CD82: variants seen among roughly 807,000 people sequenced by gnomAD.
The protein encoded by CD82 is CD82 molecule.
In CD82, 36 loss-of-function variants were observed where a neutral mutation model predicts 37.4. The ratio of observed to expected loss-of-function variants is 0.96; its 90% confidence interval spans 0.74 to 1.27. The LOEUF (loss-of-function observed/expected upper bound fraction) is 1.27. Among genes scored for constraint, CD82 ranks in the 50% most tolerant of loss-of-function variants. CD82 has a pLI of 0.00. For missense variants in CD82, 340 were observed against 347.0 expected (o/e 0.98, Z 0.16); for synonymous variants, 158 against 137.4 (o/e 1.15, Z -1.05).
chr11:44,580,946 T>G (rs1852970820), intron 1 of CD82, among the ~76,000 whole-genome samples: 1 of 152,080 alleles, frequency 6.6e-6, no homozygotes, highest in Non-Finnish European at 1.5e-5. Context: ...TGACAAAAGG[T>G]TTGCCTGTTG....
At chr11:44,570,978 T>C (rs1469720336) in intron 1 of CD82, among the ~76,000 whole-genome samples, 2 of 152,140 alleles carry the variant, frequency 1.3e-5, no homozygotes, top group Admixed American at 6.5e-5. Flanking sequence ...CACTCTCCCC[T>C]CTGACCTCCT....
chr11:44,571,462 A>C (rs1166770964), intron 1 of CD82, among the ~76,000 whole-genome samples: 1 of 152,206 alleles, frequency 6.6e-6, no homozygotes, highest in African/African-American at 2.4e-5. Flanking sequence ...TACTCATCTC[A>C]TAGGGTTGTT....
chr11:44,588,384 C>G (rs1853091596), intron 2 of CD82, among the ~76,000 whole-genome samples: 1 of 152,002 alleles, frequency 6.6e-6, no homozygotes, highest in African/African-American at 2.4e-5. Flanking sequence ...CCACCATGCC[C>G]AGCTAAGTTT....
In CD82 at chr11:44,597,562, C is replaced by G. The variant is rs1367485336; in HGVS notation, c.64-2596C>G. On this transcript the variant is annotated intron_variant, in intron 3 of 9. Transcript: ENST00000227155. This position sits in a 1 kb window ranked among gnomAD's most constrained non-coding sequence, Gnocchi z 4.1. ...TACAGAGGGACTGAATGGGTAGCCC[C>G]GGGGACTTTGCTCTCTGGGTTCCTC... Among the ~76,000 whole-genome samples the G allele has an allele frequency of 6.6e-6, 1 of 152,232 alleles. No individual in the cohort carries two copies. Among genetic ancestry groups the G allele is most frequent in the Non-Finnish European group, 1.5e-5 (1 of 68,040 alleles).
rs1853245400 is a variant in CD82, at chr11:44,597,433, G to A, written c.63+2708G>A. ...TCACAGAGAAAAAGGGGGTGCCATG[G>A]TGCCTTGCCCATTCTGGTAGGCTGC... is the stretch of plus-strand genomic sequence containing the variant. On this transcript the variant is annotated intron_variant, in intron 3 of 9. Transcript: ENST00000227155. The surrounding 1 kb of genome is among the most constrained non-coding windows in gnomAD (Gnocchi z 4.1). Among the ~76,000 whole-genome samples, 1 of 152,256 alleles carries A rather than the reference G, an allele frequency of 6.6e-6. No homozygotes were observed. The highest frequency in any genetic ancestry group is 1.5e-5 in the Non-Finnish European group (1 of 68,042).
At position 44,590,123 on chromosome 11, in the gene CD82, G is replaced by A. The variant is rs182826253; in HGVS notation, c.-21+2567G>A. On this transcript the variant is annotated intron_variant, in intron 2 of 9. Transcript: ENST00000227155. Reference sequence around the variant, plus strand: ...GCTGGGATTACAGGTGTGAGCCACCGCGCCTGGCGACCCTTGCTGCCTCTT... The same window carrying A: ...GCTGGGATTACAGGTGTGAGCCACCACGCCTGGCGACCCTTGCTGCCTCTT... 1.5e-3 allele frequency among the ~76,000 whole-genome samples: 233 copies of A among 151,864 alleles called. 1 individual carries two copies. The highest frequency in any genetic ancestry group is 5.3e-3 in the African/African-American group (221 of 41,424).
chr11:44,596,002 G>T, intron 3 of CD82, among the ~76,000 whole-genome samples: 1 of 149,008 alleles, frequency 6.7e-6, no homozygotes, highest in East Asian at 2.0e-4. Flanking sequence ...CCTGGCACCC[G>T]CACACAAGTG....
intron 4 of CD82, among the ~76,000 whole-genome samples, chr11:44,603,157 G>C (rs1590343611): frequency 6.6e-6 from 1 of 152,176 alleles, no homozygotes; most frequent in African/African-American, 2.4e-5. Context: ...TGCCCACGCT[G>C]ATGGCTGGGG....
chr11:44,567,402 G>C (rs1231490601), intron 1 of CD82, among the ~76,000 whole-genome samples: 9 of 151,930 alleles, frequency 5.9e-5, no homozygotes, highest in Non-Finnish European at 1.2e-4. Context: ...TGTAGGGCAG[G>C]GGGAGGTGTT....
rs140087206 is a variant in CD82 at position 44,602,630 on chromosome 11, C to T, written c.136+2400C>T. On this transcript the variant is annotated intron_variant, in intron 4 of 9. Coordinates refer to ENST00000227155, the MANE Select transcript of CD82 (RefSeq NM_002231.4). ...ATCCCTCATCCCTTTCTGTTTGGGCCGCTTCCTTTGGTCCCTTCTAGGCCC... is the reference window on the plus strand; with the variant it reads ...ATCCCTCATCCCTTTCTGTTTGGGCTGCTTCCTTTGGTCCCTTCTAGGCCC... Among the ~76,000 whole-genome samples the T allele has an allele frequency of 4.4e-3, 675 of 152,128 alleles. 6 individuals carry two copies. The highest frequency in any genetic ancestry group is 0.016 in the African/African-American group (656 of 41,490).
chr11:44,611,670 C>G (rs1006009840), intron 6 of CD82, among the ~76,000 whole-genome samples: 1 of 152,214 alleles, frequency 6.6e-6, no homozygotes, highest in Non-Finnish European at 1.5e-5. Context: ...TGCTACCTCC[C>G]TGTCCTTTTT....
At chr11:44,614,106 G>A (rs1284578807) in intron 6 of CD82, among the ~76,000 whole-genome samples, 1 of 152,136 alleles carries the variant, frequency 6.6e-6, no homozygotes, top group African/African-American at 2.4e-5. Context: ...TCCATCTCCT[G>A]GGTTCAAGCA....
At chr11:44,569,491 C>T (rs562229306) in intron 1 of CD82, among the ~76,000 whole-genome samples, 1 of 152,220 alleles carries the variant, frequency 6.6e-6, no homozygotes, top group South Asian at 2.1e-4. Context: ...TAGATAAGTT[C>T]CTTCTCTCTG....
chr11:44,600,251 C>G, intron 4 of CD82, 21 bp downstream of exon 4: 1 of 1,612,498 alleles, frequency 6.2e-7, no homozygotes, highest in South Asian at 1.1e-5. Flanking sequence ...CTCAGCTTCC[C>G]CAGACCCAGG....
chr11:44,579,183 G>A (rs35056404), intron 1 of CD82, among the ~76,000 whole-genome samples: 6,391 of 152,094 alleles, frequency 0.042, 158 homozygotes, highest in Middle Eastern at 0.075. Context: ...TAGAATATGG[G>A]GGAGGCCAAG....
chr11:44,577,245 A>G (rs1852906375), intron 1 of CD82, among the ~76,000 whole-genome samples: 1 of 152,170 alleles, frequency 6.6e-6, no homozygotes, highest in South Asian at 2.1e-4. Flanking sequence ...TCTCCTGGGA[A>G]CTGTGCTTGT....
intron 4 of CD82, among the ~76,000 whole-genome samples, chr11:44,604,066 G>C (rs540508181): frequency 7.9e-5 from 12 of 152,076 alleles, no homozygotes; most frequent in Non-Finnish European, 1.3e-4. Flanking sequence ...GGCCTTCGTC[G>C]ACCCATTCTG....
chr11:44,618,541 A>T, intron 8 of CD82, 99 bp from the exon 9 acceptor site: 1 of 1,143,202 alleles, frequency 8.7e-7, no homozygotes, highest in South Asian at 1.3e-5. Flanking sequence ...AGCCCTCTGT[A>T]GGGGCTTCCG....
In CD82 at chr11:44,615,317, T is replaced by TACAA. The variant is rs755032584; in HGVS notation, c.383_386dup (p.Asn129LysfsTer36). On this transcript the variant is annotated frameshift_variant, in exon 7 of 10. Transcript: ENST00000227155. LOFTEE classifies it high-confidence loss of function. ...CATCGTGACTGAGCTCATTCGAGAC[T>TACAA]ACAACAGCAGTCGCGAGGACAGCCT... 2 of 1,613,756 alleles carry TACAA rather than the reference T, an allele frequency of 1.2e-6. No individual in the cohort carries two copies. Among genetic ancestry groups the TACAA allele is most frequent in the South Asian group, 2.2e-5 (2 of 91,080 alleles).
Sources: gnomAD v4.1 joint callset for allele counts (sites outside exome capture counted in the v4.1 genomes callset) on GRCh38, gnomAD v4.1.1 for gene constraint, Gnocchi (gnomAD v3.1) non-coding constraint, MANE v1.5 for transcripts, NCBI Gene and HGNC (gene_info 2026-07-23, HGNC 2026-07-21) for gene names.